Variants in ITGAM observed in about 807,000 individuals in gnomAD.
The protein encoded by ITGAM is integrin alpha-M.
In ITGAM, 79 loss-of-function variants were observed where a neutral mutation model predicts 137.5. The ratio of observed to expected loss-of-function variants is 0.57; its 90% CI spans 0.48 to 0.69. The LOEUF (loss-of-function observed/expected upper bound fraction) is 0.69. Ranked by LOEUF, ITGAM falls within the 30% of genes least tolerant of loss-of-function variation. ITGAM has a pLI of 0.00. For missense variants in ITGAM, 1,343 were observed against 1,483.5 expected (o/e 0.91, Z 1.56); for synonymous variants, 583 against 592.3 (o/e 0.98, Z 0.23).
chr16:31,267,740 C>T (rs543021828), intron 5 of ITGAM, among the ~76,000 whole-genome samples: 4 of 152,202 alleles, frequency 2.6e-5, no homozygotes, highest in East Asian at 3.9e-4. Context: ...GCAGCCTCTG[C>T]CTCCTGTGCT....
intron 22 of ITGAM, among the ~76,000 whole-genome samples, chr16:31,327,283 T>G (rs1597040759): frequency 6.6e-6 from 1 of 152,220 alleles, no homozygotes; most frequent in Non-Finnish European, 1.5e-5. Context: ...CAGAGAAGAT[T>G]CCTAAAGAAA....
At chr16:31,304,790 G>A (rs2080249498) in intron 14 of ITGAM, among the ~76,000 whole-genome samples, 1 of 152,004 alleles carries the variant, frequency 6.6e-6, no homozygotes, top group African/African-American at 2.4e-5. Flanking sequence ...TTTATTTCTG[G>A]GTTCTTTGTT....
At chr16:31,299,844 T>TCTC (rs148409269) in intron 14 of ITGAM, among the ~76,000 whole-genome samples, 15,281 of 110,016 alleles carry the variant, frequency 0.14, 1,120 homozygotes, top group South Asian at 0.18. Flanking sequence ...GTCGTCCTCC[T>TCTC]CTCCTCCTCC....
chr16:31,320,167 C>T (rs1003565510), intron 14 of ITGAM, among the ~76,000 whole-genome samples: 16 of 152,052 alleles, frequency 1.1e-4, no homozygotes, highest in Admixed American at 3.9e-4. Flanking sequence ...TTGTGGTTTC[C>T]ACAAAACATC....
At chr16:31,281,469 C>T (rs1441943666) in intron 12 of ITGAM, among the ~76,000 whole-genome samples, 1 of 151,940 alleles carries the variant, frequency 6.6e-6, no homozygotes, top group Non-Finnish European at 1.5e-5. Flanking sequence ...TGTCCAGGAA[C>T]TTATCCATTT....
chr16:31,331,926 CG>C lies in ITGAM; in HGVS notation c.*220del, dbSNP rs975700572. On this transcript the variant is annotated 3_prime_UTR_variant, in exon 30 of 30. Transcript: ENST00000544665. The stretch of plus-strand genomic sequence containing the variant: ...GCGTGTGCGTGCATGTGCACTTGCA[CG>C]CCCATGTGTGAGTGTGTGCAAGTAT... 84 of 558,324 alleles carry C rather than the reference CG, an allele frequency of 1.5e-4. No individual in the cohort carries two copies. The highest frequency in any genetic ancestry group is 1.3e-3 in the African/African-American group (70 of 52,010). The allele number at this position is 558,324 out of a possible 1,614,324, so 34.6% of individuals were successfully genotyped here.
At position 31,265,918 on chromosome 16, in the gene ITGAM, G is replaced by C. The variant is rs750876848; in HGVS notation, c.309+37G>C. On this transcript the variant is annotated intron_variant, in intron 4 of 29. Transcript: ENST00000544665. ...TCGATCAGAGGAGCATCCTAATGGG[G>C]GTGTTTGGGGGCCCACGCATGGTGG... The C allele has an allele frequency of 2.5e-6, 4 of 1,606,806 alleles. No homozygotes were observed. The Middle Eastern group carries it at 5.0e-4, about 199-fold the overall frequency.
At position 31,273,496 on chromosome 16, in the gene ITGAM, G is replaced by T; in HGVS notation, c.836G>T (p.Gly279Val). The part of the protein sequence containing the change: ...EDVIPEADRE[G>V]VIRYVIGVGD... Reference sequence around the variant, plus strand: ...GTCATCCCTGAGGCAGACAGAGAGGGAGTCATTCGCTACGTCATTGGGGTA... The same window carrying T: ...GTCATCCCTGAGGCAGACAGAGAGGTAGTCATTCGCTACGTCATTGGGGTA... The change falls in exon 8 of 30, where the codon GGA becomes GTA. Residue 279 changes from glycine to valine, a missense_variant. Physicochemically the swap from Gly to Val is moderately radical, Grantham distance 109. Transcript: ENST00000544665. 6.2e-7 allele frequency: 1 copy of T among 1,613,754 alleles called. No homozygotes were observed. The highest frequency in any genetic ancestry group is 8.5e-7 in the Non-Finnish European group (1 of 1,179,732).
chr16:31,273,264 C>T (rs1208752819), intron 7 of ITGAM, 101 bp from the exon 8 acceptor site: 2 of 1,060,018 alleles, frequency 1.9e-6, no homozygotes, highest in Non-Finnish European at 2.7e-6. Flanking sequence ...TCTCTGCACT[C>T]CAGCCTGGAT....
intron 23 of ITGAM, 199 bp from the exon 24 acceptor site, chr16:31,329,029 A>G (rs2080546034): frequency 3.1e-6 from 2 of 636,206 alleles, no homozygotes; most frequent in Non-Finnish European, 5.6e-6. Flanking sequence ...CGTGTGTGTG[A>G]GTGGCCCAAA....
chr16:31,288,294 G>T (rs1052288567), intron 12 of ITGAM, among the ~76,000 whole-genome samples: 8 of 152,114 alleles, frequency 5.3e-5, no homozygotes, highest in African/African-American at 1.9e-4. Flanking sequence ...TGCAGAAATG[G>T]ACAAGCTGAT....
Position 31,329,293 on chromosome 16 carries a change from A to G in ITGAM, c.2858A>G (p.His953Arg), listed in dbSNP as rs1349296220. The stretch of plus-strand genomic sequence containing the variant: ...GAGAATACCAGTCGGGTCATGCAGC[A>G]TCAATATCAGGTGGGCAGCTGGGAC... ...ASENTSRVMQ[H>R]QYQVSNLGQR... The change falls in exon 24 of 30, where the codon CAT becomes CGT. Residue 953 changes from histidine (H) to arginine (R), a missense_variant. By Grantham distance (29) the His-to-Arg change is conservative. Transcript: ENST00000544665. 3 of 1,611,150 alleles carry G rather than the reference A, an allele frequency of 1.9e-6. No homozygotes were observed. The highest frequency in any genetic ancestry group is 2.5e-6 in the Non-Finnish European group (3 of 1,177,590).
At chr16:31,286,391 C>A (rs1454114465) in intron 12 of ITGAM, among the ~76,000 whole-genome samples, 1 of 152,086 alleles carries the variant, frequency 6.6e-6, no homozygotes, top group East Asian at 1.9e-4. Context: ...TGAATAGTAG[C>A]CCTGTTTTAT....
intron 14 of ITGAM, among the ~76,000 whole-genome samples, chr16:31,313,353 G>A (rs952114546): frequency 1.3e-5 from 2 of 152,118 alleles, no homozygotes; most frequent in African/African-American, 4.8e-5. Context: ...CATGCATTAG[G>A]TATTTGTCCT....
Position 31,331,713 on chromosome 16 carries a change from C to G in ITGAM, c.*6C>G. On this transcript the variant is annotated 3_prime_UTR_variant, in exon 30 of 30. Coordinates refer to ENST00000544665, the MANE Select transcript of ITGAM (RefSeq NM_000632.4). ...CGGGGGCCGAACCCCAGTAGCGGCT[C>G]CTTCCCGACAGAGCTGCCTCTCGGT... 6.3e-7 allele frequency: 1 copy of G among 1,593,724 alleles called. No homozygotes were observed. Among genetic ancestry groups the G allele is most frequent in the Non-Finnish European group, 8.5e-7 (1 of 1,170,316 alleles).
Position 31,332,756 on chromosome 16 carries a change from A to G in ITGAM, c.*1049A>G, listed in dbSNP as rs559570456. ...TTTTCATTCTTTTATACCGCTGCAT[A>G]GTATTCCATTGTGTGAGTGTACCAT... On this transcript the variant is annotated 3_prime_UTR_variant, in exon 30 of 30. Transcript: ENST00000544665. 2.6e-5 allele frequency: 4 copies of G among 152,380 alleles called. No individual in the cohort carries two copies. In the South Asian group the frequency reaches 8.3e-4, roughly 32 times the overall value. The allele number at this position is 152,380 out of a possible 1,614,324, so 9.4% of individuals were successfully genotyped here.
Position 31,331,690 on chromosome 16 carries a change from G to C in ITGAM, c.3442G>C (p.Gly1148Arg), listed in dbSNP as rs1294783655. Residue 1148 changes from glycine to arginine, a missense_variant, in exon 30 of 30, where the codon GGG (glycine) becomes CGG (arginine). Transcript: ENST00000544665. ...KDMMSEGGPP[G>R]AEPQ ...CATGATGAGTGAAGGGGGTCCCCCGGGGGCCGAACCCCAGTAGCGGCTCCT... is the reference window on the plus strand; with the variant it reads ...CATGATGAGTGAAGGGGGTCCCCCGCGGGCCGAACCCCAGTAGCGGCTCCT... The C allele has an allele frequency of 1.9e-6, 3 of 1,607,928 alleles. No individual in the cohort carries two copies. Among genetic ancestry groups the C allele is most frequent in the Non-Finnish European group, 8.5e-7 (1 of 1,177,402 alleles).
At chr16:31,312,800 C>G (rs1305571076) in intron 14 of ITGAM, among the ~76,000 whole-genome samples, 1 of 151,630 alleles carries the variant, frequency 6.6e-6, no homozygotes, top group Non-Finnish European at 1.5e-5. Context: ...AATGCTTTCA[C>G]AAGATCGATT....
intron 14 of ITGAM, among the ~76,000 whole-genome samples, chr16:31,315,876 T>C (rs2080386267): frequency 6.6e-6 from 1 of 152,084 alleles, no homozygotes; most frequent in Admixed American, 6.6e-5. Flanking sequence ...CCCCATTGTA[T>C]GCCCTTGGCA....
Sources: gnomAD v4.1 joint callset for allele counts (sites outside exome capture counted in the v4.1 genomes callset) on GRCh38, gnomAD v4.1.1 for gene constraint, MANE v1.5 for transcripts, NCBI Gene and HGNC (gene_info 2026-07-23, HGNC 2026-07-21) for gene names.